The following TGFA variants were observed in gnomAD, a reference collection of about 807,000 sequenced individuals.
TGFA encodes protransforming growth factor alpha.
TGFA carries 12 observed loss-of-function variants against 21.7 expected under a neutral mutation model. The ratio of observed to expected loss-of-function variants is 0.55; its 90% CI spans 0.35 to 0.90. TGFA has a LOEUF of 0.90. Among genes scored for constraint, TGFA ranks in the 40% least tolerant of loss-of-function variants. The probability of loss-of-function intolerance (pLI) is 0.01; values close to 1 mark genes in which losing one functional copy is unlikely to be tolerated. For missense variants in TGFA, 178 were observed against 210.8 expected, an observed-to-expected ratio of 0.84 and a Z score of 0.96; for synonymous variants, 79 against 88.1, an observed-to-expected ratio of 0.90 and a Z score of 0.58.
At chr2:70,514,988 G>T in intron 1 of TGFA, 76 bp from the exon 2 acceptor site, 1 of 1,414,622 alleles carries the variant, frequency 7.1e-7, no homozygotes. Flanking sequence ...TAGAGGGCAG[G>T]CCCTTTGACA....
intron 1 of TGFA, among the ~76,000 whole-genome samples, chr2:70,521,534 T>G (rs1672459126): frequency 6.6e-6 from 1 of 151,764 alleles, no homozygotes; most frequent in East Asian, 1.9e-4. Flanking sequence ...ATGAGAAAAA[T>G]GTGGTATATT....
chr2:70,508,597 T>C (rs1672002923), intron 2 of TGFA, among the ~76,000 whole-genome samples: 1 of 152,230 alleles, frequency 6.6e-6, no homozygotes, highest in Non-Finnish European at 1.5e-5. Context: ...GTGTAATTCA[T>C]GCAAGTAAAG....
chr2:70,532,346 G>A (rs1031559107), intron 1 of TGFA, among the ~76,000 whole-genome samples: 6 of 152,160 alleles, frequency 3.9e-5, no homozygotes, highest in African/African-American at 1.4e-4. Context: ...CAAAGTTAAT[G>A]ACTTTATCTT....
intron 2 of TGFA, among the ~76,000 whole-genome samples, chr2:70,474,502 A>G (rs1441289105): frequency 5.3e-5 from 8 of 152,250 alleles, no homozygotes; most frequent in African/African-American, 1.7e-4. Context: ...AAGAGGAAGT[A>G]TTACTTTATT....
At chr2:70,457,651 C>T (rs1670278000) in intron 3 of TGFA, among the ~76,000 whole-genome samples, 1 of 151,624 alleles carries the variant, frequency 6.6e-6, no homozygotes. Flanking sequence ...AAGTGGTTCT[C>T]CTGCCTCAGC....
At chr2:70,537,302 A>G (rs1673001916) in intron 1 of TGFA, among the ~76,000 whole-genome samples, 1 of 152,096 alleles carries the variant, frequency 6.6e-6, no homozygotes, top group African/African-American at 2.4e-5. Context: ...ACACAATAAT[A>G]TTAAAACTAG....
At chr2:70,471,301 A>G (rs1365084912) in intron 2 of TGFA, among the ~76,000 whole-genome samples, 1 of 152,172 alleles carries the variant, frequency 6.6e-6, no homozygotes, top group Non-Finnish European at 1.5e-5. Context: ...AGGGGATGTG[A>G]TTCACACTTG....
chr2:70,506,011 G>A (rs1393906063), intron 2 of TGFA, among the ~76,000 whole-genome samples: 1 of 152,090 alleles, frequency 6.6e-6, no homozygotes, highest in Non-Finnish European at 1.5e-5. Context: ...CTCTTCATCA[G>A]TAAATAACCA....
At chr2:70,458,304 G>A (rs1020332497) in intron 3 of TGFA, among the ~76,000 whole-genome samples, 4 of 152,204 alleles carry the variant, frequency 2.6e-5, no homozygotes, top group Non-Finnish European at 4.4e-5. Flanking sequence ...AGAAAATCCT[G>A]CAAAGGGTCC....
chr2:70,472,647 C>A, intron 2 of TGFA, among the ~76,000 whole-genome samples: 1 of 152,208 alleles, frequency 6.6e-6, no homozygotes, highest in South Asian at 2.1e-4. Context: ...CAGCCCTGCT[C>A]CCCTGGGAGC....
chr2:70,503,583 A>T (rs1242789627), intron 2 of TGFA, among the ~76,000 whole-genome samples: 5 of 136,654 alleles, frequency 3.7e-5, no homozygotes, highest in South Asian at 4.4e-4. Context: ...TAATAATAAT[A>T]AAAAAAAAAA....
chr2:70,522,542 C>G (rs1672503320), intron 1 of TGFA, among the ~76,000 whole-genome samples: 1 of 152,212 alleles, frequency 6.6e-6, no homozygotes, highest in African/African-American at 2.4e-5. Flanking sequence ...TCAAGCAATT[C>G]TCCTGCCTCA....
At chr2:70,550,663 A>G (rs138179911) in intron 1 of TGFA, among the ~76,000 whole-genome samples, 12,918 of 151,970 alleles carry the variant, frequency 0.085, 744 homozygotes, top group Middle Eastern at 0.16. Flanking sequence ...TACTAAAAAT[A>G]TATTTAAAAA....
intron 4 of TGFA, among the ~76,000 whole-genome samples, 165 bp from the exon 5 acceptor site, chr2:70,453,492 G>A (rs782293622): frequency 2.0e-5 from 3 of 152,220 alleles, no homozygotes; most frequent in Non-Finnish European, 4.4e-5. Context: ...GGGGCTGAGG[G>A]CATTGTAGGG....
intron 1 of TGFA, among the ~76,000 whole-genome samples, chr2:70,540,409 A>G (rs1161216635): frequency 6.6e-6 from 1 of 152,226 alleles, no homozygotes; most frequent in Non-Finnish European, 1.5e-5. Context: ...TCAAGTGACA[A>G]AGTGAGATTT....
At chr2:70,476,109 T>TAAAAAAAAAAAAAAAAAAA (rs1670926055) in intron 2 of TGFA, among the ~76,000 whole-genome samples, 1 of 78,502 alleles carries the variant, frequency 1.3e-5, no homozygotes. Context: ...AAAAAAAAAT[T>TAAAAAAAAAAAAAAAAAAA]AAGAAAATTA....
At position 70,524,083 on chromosome 2, in the gene TGFA, T is replaced by A. The variant is rs192983464; in HGVS notation, c.41-9171A>T. Among the ~76,000 whole-genome samples, 41 of 152,284 alleles carry A rather than the reference T, an allele frequency of 2.7e-4. No individual in the cohort carries two copies. In the East Asian group the frequency reaches 7.5e-3, roughly 28 times the overall value. Reference sequence around the variant, plus strand: ...GGCCCGGCCACTGTGATGCAACAACTCACACTGCCACACAGACATCTTCCT... The same window carrying A: ...GGCCCGGCCACTGTGATGCAACAACACACACTGCCACACAGACATCTTCCT... On this transcript the variant is annotated intron_variant, in intron 1 of 5. Transcript: ENST00000295400.
intron 2 of TGFA, among the ~76,000 whole-genome samples, chr2:70,472,297 A>G (rs1185183465): frequency 6.6e-6 from 1 of 152,192 alleles, no homozygotes; most frequent in African/African-American, 2.4e-5. Context: ...ACGATAGGAA[A>G]AGCAAATGTT....
intron 1 of TGFA, among the ~76,000 whole-genome samples, chr2:70,532,294 G>C (rs997369337): frequency 1.3e-5 from 2 of 152,198 alleles, no homozygotes; most frequent in South Asian, 2.1e-4. Flanking sequence ...TTTTGTTCTT[G>C]CTTTCTAATT....
Sources: allele counts gnomAD v4.1 joint callset (sites outside exome capture counted in the v4.1 genomes callset), GRCh38; gene constraint gnomAD v4.1.1; transcripts MANE v1.5; gene names NCBI Gene and HGNC (gene_info 2026-07-23, HGNC 2026-07-21).